The following ATRNL1 variants were observed in gnomAD, a reference collection of about 807,000 sequenced individuals.
The protein encoded by ATRNL1 is attractin like 1.
ATRNL1 carries 95 observed loss-of-function variants against 182.7 expected under a neutral mutation model. That is an observed-to-expected ratio of 0.52 (90% CI 0.44 to 0.62). The LOEUF (loss-of-function observed/expected upper bound fraction) is 0.62, where lower values mean the gene tolerates loss of function less well. Ranked by LOEUF, ATRNL1 falls within the 20% of genes least tolerant of loss-of-function variation. The pLI is 0.00. For missense variants in ATRNL1, 1,471 were observed against 1,679.5 expected (o/e 0.88, Z 2.17); for synonymous variants, 576 against 568.3 (o/e 1.01, Z -0.19).
chr10:115,926,210 T>C (rs1953226206), intron 28 of ATRNL1, among the ~76,000 whole-genome samples: 1 of 152,076 alleles, frequency 6.6e-6, no homozygotes. Context: ...TTGAAACCAA[T>C]GAGAACAAAG....
intron 26 of ATRNL1, among the ~76,000 whole-genome samples, chr10:115,614,476 G>A (rs782658323): frequency 6.6e-6 from 1 of 152,130 alleles, no homozygotes; most frequent in Non-Finnish European, 1.5e-5. Flanking sequence ...CATTTCATAT[G>A]CTGAAGAGAA....
At chr10:115,692,686 T>C (rs1593075567) in intron 26 of ATRNL1, among the ~76,000 whole-genome samples, 3 of 151,906 alleles carry the variant, frequency 2.0e-5, no homozygotes, top group Admixed American at 2.0e-4. Flanking sequence ...AAGAGATTCA[T>C]TGAATGTTTT....
intron 26 of ATRNL1, among the ~76,000 whole-genome samples, chr10:115,648,773 C>T (rs920030923): frequency 6.6e-6 from 1 of 152,128 alleles, no homozygotes; most frequent in Non-Finnish European, 1.5e-5. Flanking sequence ...GGTATTGTTT[C>T]ATTATGTGGC....
Position 115,477,020 on chromosome 10 carries a change from T to C in ATRNL1, c.3654+7691T>C, listed in dbSNP as rs375522381. On this transcript the variant is annotated intron_variant, in intron 24 of 28. Transcript: ENST00000355044. ...AGTTTTTAAATTGAGAGATGAGTAA[T>C]ATATTTCTCTGGAGAAAGGAATGTA... is the stretch of plus-strand genomic sequence containing the variant. Among the ~76,000 whole-genome samples the C allele has an allele frequency of 1.4e-3, 217 of 151,688 alleles. 3 individuals carry two copies. The South Asian group carries it at 0.041, about 29-fold the overall frequency.
chr10:115,389,548 A>ATATATATATGTATG (rs1554953808), intron 19 of ATRNL1, among the ~76,000 whole-genome samples: 1 of 30,196 alleles, frequency 3.3e-5, no homozygotes, highest in Non-Finnish European at 7.5e-5. Flanking sequence ...GTGTATATAT[A>ATATATATATGTATG]TATATATATA....
chr10:115,411,385 C>T (rs1368415132), intron 20 of ATRNL1, among the ~76,000 whole-genome samples: 6 of 151,174 alleles, frequency 4.0e-5, no homozygotes, highest in Non-Finnish European at 5.9e-5. Flanking sequence ...ACAATGTTAG[C>T]GTTTACATAA....
At chr10:115,322,469 T>C (rs1178115476) in intron 18 of ATRNL1, among the ~76,000 whole-genome samples, 3 of 152,138 alleles carry the variant, frequency 2.0e-5, no homozygotes, top group East Asian at 1.9e-4. Context: ...TTTATGGTTA[T>C]AGGACAAATA....
At chr10:115,249,599 A>G (rs946147357) in intron 10 of ATRNL1, among the ~76,000 whole-genome samples, 2 of 152,104 alleles carry the variant, frequency 1.3e-5, no homozygotes, top group Non-Finnish European at 2.9e-5. Context: ...TCTTATGTGT[A>G]TTGAGTATAT....
At chr10:115,639,796 G>T (rs79705086) in intron 26 of ATRNL1, among the ~76,000 whole-genome samples, 4,875 of 149,104 alleles carry the variant, frequency 0.033, 113 homozygotes, top group East Asian at 0.12. Flanking sequence ...AAAATGAGGG[G>T]TTTTTTTTTC....
chr10:115,474,120 A>G (rs575686474), intron 24 of ATRNL1, among the ~76,000 whole-genome samples: 4 of 151,300 alleles, frequency 2.6e-5, no homozygotes, highest in Non-Finnish European at 4.4e-5. Flanking sequence ...CAGTTTAACA[A>G]TTCTATTGCC....
chr10:115,805,997 A>G (rs1949912315), intron 27 of ATRNL1, among the ~76,000 whole-genome samples: 1 of 152,178 alleles, frequency 6.6e-6, no homozygotes, highest in South Asian at 2.1e-4. Context: ...AAAGTTTACT[A>G]ACCATTATAT....
chr10:115,762,848 C>T (rs1948765732), intron 27 of ATRNL1, among the ~76,000 whole-genome samples: 2 of 151,998 alleles, frequency 1.3e-5, no homozygotes, highest in African/African-American at 4.8e-5. Flanking sequence ...TGAAAGCATA[C>T]AATTTTTCTA....
intron 1 of ATRNL1, among the ~76,000 whole-genome samples, chr10:115,110,599 A>G (rs782199235): frequency 6.2e-4 from 94 of 152,344 alleles, no homozygotes; most frequent in African/African-American, 2.0e-3. Flanking sequence ...CTTCTGTCCT[A>G]TAGAACTGTG....
intron 7 of ATRNL1, among the ~76,000 whole-genome samples, chr10:115,169,816 A>T (rs1213886682): frequency 3.9e-5 from 6 of 152,126 alleles, no homozygotes; most frequent in African/African-American, 1.2e-4. Flanking sequence ...AAATTTATTT[A>T]AACAATGTTT....
chr10:115,266,764 G>A (rs571547211), intron 11 of ATRNL1, 33 bp from the exon 12 acceptor site: 73 of 1,335,476 alleles, frequency 5.5e-5, no homozygotes, highest in African/African-American at 1.2e-4. Context: ...TTTTAATAGC[G>A]TTTCTTTAAG....
rs1421940774 is a variant in ATRNL1, at chr10:115,796,002, T to C, written c.3904-51875T>C. ...CTGAGTGCCAGATCACTCCCACATC[T>C]AGCTTCCCTCCTCACTCTGCCTGGG... is the stretch of plus-strand genomic sequence containing the variant. On this transcript the variant is annotated intron_variant, in intron 27 of 28. Transcript: ENST00000355044. Among the ~76,000 whole-genome samples, 5 of 152,202 alleles carry C rather than the reference T, an allele frequency of 3.3e-5. No homozygotes were observed. In the East Asian group the frequency reaches 9.8e-4, roughly 30 times the overall value.
At chr10:115,221,357 C>T (rs532473450) in intron 9 of ATRNL1, among the ~76,000 whole-genome samples, 180 of 152,106 alleles carry the variant, frequency 1.2e-3, no homozygotes, top group African/African-American at 4.1e-3. Flanking sequence ...TATTTTTTAC[C>T]ACCTCAGAAC....
chr10:115,476,658 A>G (rs782608564), intron 24 of ATRNL1, among the ~76,000 whole-genome samples: 3 of 151,206 alleles, frequency 2.0e-5, no homozygotes, highest in Non-Finnish European at 4.4e-5. Flanking sequence ...CTGCATGCCA[A>G]ACTACTTTCA....
intron 1 of ATRNL1, among the ~76,000 whole-genome samples, chr10:115,100,949 A>C (rs1381945048): frequency 2.0e-5 from 3 of 152,182 alleles, no homozygotes; most frequent in Non-Finnish European, 4.4e-5. Context: ...CTCTTTTGTC[A>C]GATTTTTCCC....
Sources: allele counts gnomAD v4.1 joint callset (sites outside exome capture counted in the v4.1 genomes callset), GRCh38; gene constraint gnomAD v4.1.1; transcripts MANE v1.5; gene names NCBI Gene and HGNC (gene_info 2026-07-23, HGNC 2026-07-21).